The following CAMTA1 variants were observed in gnomAD, a reference collection of about 807,000 sequenced individuals.
CAMTA1 encodes the protein calmodulin binding transcription activator 1, also known as calmodulin-binding transcription activator 1.
CAMTA1 carries 27 observed loss-of-function variants against 170.9 expected under a neutral mutation model. The observed-to-expected ratio is 0.16, with a 90% CI of 0.12 to 0.22. CAMTA1 has a LOEUF of 0.22. Among genes scored for constraint, CAMTA1 ranks in the 10% least tolerant of loss-of-function variants. The probability of loss-of-function intolerance (pLI) is 1.00; values close to 1 mark genes in which losing one functional copy is unlikely to be tolerated. For synonymous variants in CAMTA1, 833 were observed against 891.5 expected (o/e 0.93, Z 1.17); for missense variants, 1,619 against 2,217.2 (o/e 0.73, Z 5.42).
Position 7,251,398 on chromosome 1 carries a change from A to C in CAMTA1, c.438+1772A>C, listed in dbSNP as rs1482033059. Among the ~76,000 whole-genome samples, 1 of 152,144 alleles carries C rather than the reference A, an allele frequency of 6.6e-6. No homozygotes were observed. Among genetic ancestry groups the C allele is most frequent in the African/African-American group, 2.4e-5 (1 of 41,432 alleles). ...TGCAGGCAACAGTCTGTCCCCTCAG[A>C]ACTTCGGGAAAGGGAGACGGGCAGG... On this transcript the variant is annotated intron_variant, in intron 5 of 22. Transcript: ENST00000303635. This position sits in a 1 kb window ranked among gnomAD's most constrained non-coding sequence, Gnocchi z 5.1.
At chr1:7,225,173 C>T (rs1558272095) in intron 4 of CAMTA1, among the ~76,000 whole-genome samples, 1 of 152,132 alleles carries the variant, frequency 6.6e-6, no homozygotes, top group African/African-American at 2.4e-5. Context: ...CAAGCTCTGC[C>T]TCCCGGGCTC....
rs2095117548 is a variant in CAMTA1 at position 7,570,891 on chromosome 1, C to A, written c.511-69509C>A. Among the ~76,000 whole-genome samples the A allele has an allele frequency of 6.6e-6, 1 of 152,196 alleles. No homozygotes were observed. Among genetic ancestry groups the A allele is most frequent in the Admixed American group, 6.5e-5 (1 of 15,284 alleles). ...CCCCCATGAACCAGCTGGGTGATGT[C>A]AGGAGGCTCCTTAACCACTCTGAGC... is the stretch of plus-strand genomic sequence containing the variant. On this transcript the variant is annotated intron_variant, in intron 6 of 22. Transcript: ENST00000303635. The surrounding 1 kb of genome is among the most constrained non-coding windows in gnomAD (Gnocchi z 4.3).
chr1:7,192,473 C>T (rs564916478), intron 4 of CAMTA1, among the ~76,000 whole-genome samples: 1 of 152,268 alleles, frequency 6.6e-6, no homozygotes, highest in Admixed American at 6.5e-5. Flanking sequence ...GGTGGAAATC[C>T]CGTCATTGTA....
intron 3 of CAMTA1, among the ~76,000 whole-genome samples, chr1:7,026,485 A>C (rs1702035907): frequency 6.6e-6 from 1 of 152,178 alleles, no homozygotes; most frequent in African/African-American, 2.4e-5. Context: ...CCCTTGCCAG[A>C]ATTCTGATAT....
chr1:7,374,010 G>C (rs926109216), intron 5 of CAMTA1, among the ~76,000 whole-genome samples: 2 of 152,212 alleles, frequency 1.3e-5, no homozygotes, highest in Non-Finnish European at 2.9e-5. Context: ...GAGCAAGAAG[G>C]ATCCTGACTG....
At chr1:7,554,807 A>G (rs2094853962) in intron 6 of CAMTA1, among the ~76,000 whole-genome samples, 2 of 150,748 alleles carry the variant, frequency 1.3e-5, no homozygotes, top group African/African-American at 4.9e-5. Context: ...GGCTTGCTTC[A>G]TCCCCCCCAA....
intron 5 of CAMTA1, among the ~76,000 whole-genome samples, chr1:7,279,729 C>T (rs962015677): frequency 9.2e-5 from 14 of 152,128 alleles, no homozygotes; most frequent in Non-Finnish European, 1.3e-4. Flanking sequence ...GGCTTTGGGA[C>T]GTTTTCAGCC....
chr1:7,310,443 C>G (rs1432896737), intron 5 of CAMTA1, among the ~76,000 whole-genome samples: 1 of 152,150 alleles, frequency 6.6e-6, no homozygotes, highest in Non-Finnish European at 1.5e-5. Flanking sequence ...TACTGCATAA[C>G]AGAATAGTTA....
At chr1:7,284,830 C>G (rs1310735134) in intron 5 of CAMTA1, among the ~76,000 whole-genome samples, 1 of 152,254 alleles carries the variant, frequency 6.6e-6, no homozygotes, top group Non-Finnish European at 1.5e-5. Flanking sequence ...CCTGACCTCA[C>G]TGATGGGGCC....
At chr1:7,023,592 T>C (rs1037295562) in intron 3 of CAMTA1, among the ~76,000 whole-genome samples, 1 of 152,158 alleles carries the variant, frequency 6.6e-6, no homozygotes, top group African/African-American at 2.4e-5. Context: ...GATAATGGGA[T>C]GAAACAAGTG....
At chr1:7,252,487 G>A (rs1321179780) in intron 5 of CAMTA1, among the ~76,000 whole-genome samples, 2 of 152,222 alleles carry the variant, frequency 1.3e-5, no homozygotes, top group African/African-American at 4.8e-5. Context: ...TGGACCAAGG[G>A]TGGGGAAGCC....
chr1:7,086,350 C>T (rs868223193), intron 3 of CAMTA1, among the ~76,000 whole-genome samples: 15 of 152,178 alleles, frequency 9.9e-5, no homozygotes, highest in Admixed American at 2.6e-4. Context: ...GGGCTGTCTG[C>T]GTGGGTTGGA....
In CAMTA1 at chr1:7,752,488, A is replaced by G; in HGVS notation, c.4913A>G (p.Gln1638Arg). The G allele has an allele frequency of 6.2e-7, 1 of 1,613,178 alleles. No individual in the cohort carries two copies. The change falls in exon 21 of 23, where the codon CAA becomes CGA. Residue 1638 changes from glutamine to arginine, a missense_variant. Physicochemically the swap from Gln to Arg is conservative, Grantham distance 43. Around this residue, in one of 8 missense-constraint regions of CAMTA1, gnomAD observed 128 missense variants for 213.5 expected, o/e 0.60. Transcript: ENST00000303635. ...RSSLLTKKQD[Q>R]AARKIMRFLR... ...AGTTTGCTAACCAAAAAGCAGGATCAAGCTGCTCGAAAAATAATGAGGTTT... is the reference window on the plus strand; with the variant it reads ...AGTTTGCTAACCAAAAAGCAGGATCGAGCTGCTCGAAAAATAATGAGGTTT...
intron 5 of CAMTA1, among the ~76,000 whole-genome samples, chr1:7,343,238 C>T (rs1158145524): frequency 6.6e-6 from 1 of 152,170 alleles, no homozygotes; most frequent in Non-Finnish European, 1.5e-5. Flanking sequence ...ACTCCGATGG[C>T]TTGGGGTGTG....
chr1:7,368,600 C>G (rs2086200549), intron 5 of CAMTA1, among the ~76,000 whole-genome samples: 1 of 152,178 alleles, frequency 6.6e-6, no homozygotes, highest in Non-Finnish European at 1.5e-5. Context: ...CCGCTGTGTG[C>G]ACCCATGGCG....
chr1:7,315,083 G>A (rs965655139), intron 5 of CAMTA1, among the ~76,000 whole-genome samples: 1 of 152,222 alleles, frequency 6.6e-6, no homozygotes, highest in Non-Finnish European at 1.5e-5. Flanking sequence ...AAGACAAAGA[G>A]TGAATGAGAA....
chr1:7,009,089 G>GC (rs934311905), intron 3 of CAMTA1, among the ~76,000 whole-genome samples: 25 of 152,362 alleles, frequency 1.6e-4, no homozygotes, highest in African/African-American at 5.8e-4. Context: ...AGTACCCTCA[G>GC]CCCTCACTCT....
chr1:7,567,677 G>A (rs1442837142), intron 6 of CAMTA1, among the ~76,000 whole-genome samples: 1 of 152,190 alleles, frequency 6.6e-6, no homozygotes, highest in African/African-American at 2.4e-5. Context: ...CACATCCTCA[G>A]GCCTGGGCCA....
intron 11 of CAMTA1, 46 bp downstream of exon 11, chr1:7,677,779 G>A: frequency 6.3e-7 from 1 of 1,587,830 alleles, no homozygotes. Flanking sequence ...AAGGGAGAGG[G>A]ATGCTTGGGG....
Sources: allele counts gnomAD v4.1 joint callset (sites outside exome capture counted in the v4.1 genomes callset), GRCh38; gene constraint gnomAD v4.1.1; regional missense constraint gnomAD v4.1.1; non-coding constraint Gnocchi (gnomAD v3.1); transcripts MANE v1.5; gene names NCBI Gene and HGNC (gene_info 2026-07-23, HGNC 2026-07-21).